Variants in BET1 observed in about 807,000 individuals in gnomAD.
BET1 encodes the protein BET1 homolog.
Under a neutral mutation model 13.9 loss-of-function variants are expected in BET1, and 9 were observed. The ratio of observed to expected loss-of-function variants is 0.65; its 90% CI spans 0.39 to 1.13. The LOEUF (loss-of-function observed/expected upper bound fraction) is 1.13. Among genes scored for constraint, BET1 ranks in the 50% most tolerant of loss-of-function variants. The pLI is 0.01. For synonymous variants in BET1, 39 were observed against 47.3 expected (o/e 0.82, Z 0.72); for missense variants, 127 against 133.6 (o/e 0.95, Z 0.24).
chr7:93,991,845 C>CA, downstream of BET1: 1 of 969,046 alleles, frequency 1.0e-6, no homozygotes, highest in Non-Finnish European at 1.2e-6. Flanking sequence ...TTATTGACTG[C>CA]ATAAACCCAA....
At chr7:93,987,118 TG>T (rs1795542796) in intron 4 of BET1, 1 of 152,120 alleles carries the variant, frequency 6.6e-6, no homozygotes. Flanking sequence ...TTTTTGTTTT[TG>T]TTTTTTGTTT....
chr7:93,977,101 T>C (rs965852097), intron 4 of BET1, among the ~76,000 whole-genome samples: 3 of 152,116 alleles, frequency 2.0e-5, no homozygotes, highest in African/African-American at 7.2e-5. Flanking sequence ...CTCTTGTATC[T>C]TCCTTGTTAG....
downstream of BET1, chr7:93,991,915 A>T (rs1156802335): frequency 2.0e-6 from 2 of 980,058 alleles, no homozygotes; most frequent in African/African-American, 3.5e-5. Flanking sequence ...TCTAACTTGA[A>T]ATTTAGGAGC....
chr7:93,992,760 T>G, downstream of BET1: 1 of 920,652 alleles, frequency 1.1e-6, no homozygotes, highest in Non-Finnish European at 1.3e-6. Flanking sequence ...CAACATATTA[T>G]CTACTTCTCA....
At chr7:93,981,136 G>C (rs1230780861) in intron 4 of BET1, among the ~76,000 whole-genome samples, 1 of 152,112 alleles carries the variant, frequency 6.6e-6, no homozygotes, top group African/African-American at 2.4e-5. Flanking sequence ...TGTGTTTGCT[G>C]TTGGGGGTGT....
At position 93,993,938 on chromosome 7, in the gene BET1, A is replaced by C; in HGVS notation, c.*292T>G. On this transcript the variant is annotated 3_prime_UTR_variant, in exon 4 of 4. Coordinates refer to ENST00000222547, the MANE Select transcript of BET1 (RefSeq NM_005868.6). The stretch of plus-strand genomic sequence containing the variant: ...GCATTTATGATTACAACAAAATATT[A>C]TAATGCTATTTAATCTGACAGTTGG... 1 of 1,535,238 alleles carries C rather than the reference A, an allele frequency of 6.5e-7. No individual in the cohort carries two copies. Among genetic ancestry groups the C allele is most frequent in the South Asian group, 1.2e-5 (1 of 83,816 alleles).
intron 6 of BET1, chr7:93,972,377 C>T (rs914739228): frequency 4.0e-5 from 6 of 151,866 alleles, no homozygotes; most frequent in Non-Finnish European, 7.4e-5. Context: ...TTATGTGCCA[C>T]GCATCTTGAC....
At chr7:93,999,059 T>C in intron 2 of BET1, 111 bp downstream of exon 2, 2 of 869,948 alleles carry the variant, frequency 2.3e-6, no homozygotes, top group Non-Finnish European at 3.1e-6. Context: ...AAAACCACAG[T>C]ATCTGAGTAA....
chr7:93,992,927 C>G (rs1379841023), downstream of BET1: 2 of 985,296 alleles, frequency 2.0e-6, no homozygotes, highest in African/African-American at 3.5e-5. Flanking sequence ...TAACCACACT[C>G]AGTTCCGGTG....
intron 6 of BET1, among the ~76,000 whole-genome samples, chr7:93,967,955 T>C (rs1294688396): frequency 6.6e-6 from 1 of 151,842 alleles, no homozygotes; most frequent in African/African-American, 2.4e-5. Context: ...AACCAGAATA[T>C]ATTAAATCAA....
chr7:93,969,010 GAGAT>G (rs1008778617), intron 6 of BET1, among the ~76,000 whole-genome samples: 10 of 151,810 alleles, frequency 6.6e-5, no homozygotes, highest in African/African-American at 2.4e-4. Flanking sequence ...TGTGAAAGAT[GAGAT>G]AGAAACAGCT....
chr7:93,970,626 C>T (rs1217967470), intron 6 of BET1, among the ~76,000 whole-genome samples: 1 of 151,528 alleles, frequency 6.6e-6, no homozygotes, highest in East Asian at 1.9e-4. Context: ...ACATTGACAT[C>T]CCAAAAATGG....
At chr7:93,985,883 G>A (rs1440245749) in intron 4 of BET1, among the ~76,000 whole-genome samples, 1 of 152,160 alleles carries the variant, frequency 6.6e-6, no homozygotes, top group Non-Finnish European at 1.5e-5. Flanking sequence ...AGGGATCAAG[G>A]CAGAAACACA....
chr7:93,990,166 T>A (rs1012189030), downstream of BET1, among the ~76,000 whole-genome samples: 6 of 152,088 alleles, frequency 3.9e-5, no homozygotes, highest in South Asian at 1.2e-3. Flanking sequence ...GCATTAAATC[T>A]GTGTATAATC....
intron 4 of BET1, among the ~76,000 whole-genome samples, chr7:93,985,610 G>C (rs1795512060): frequency 6.6e-6 from 1 of 152,110 alleles, no homozygotes; most frequent in South Asian, 2.1e-4. Context: ...ATATTGTAAT[G>C]TATTCAAACT....
chr7:93,976,675 A>T (rs932700099), intron 4 of BET1, among the ~76,000 whole-genome samples: 4 of 152,056 alleles, frequency 2.6e-5, no homozygotes, highest in African/African-American at 9.7e-5. Flanking sequence ...ACTTATTATT[A>T]TTTTTTAAAT....
At chr7:93,995,768 G>A (rs1206332264) in intron 3 of BET1, among the ~76,000 whole-genome samples, 1 of 152,168 alleles carries the variant, frequency 6.6e-6, no homozygotes, top group African/African-American at 2.4e-5. Flanking sequence ...ACAAATGGAA[G>A]GGGACTCTAA....
chr7:93,981,744 A>G (rs1795433966), intron 4 of BET1, among the ~76,000 whole-genome samples: 1 of 152,190 alleles, frequency 6.6e-6, no homozygotes, highest in Non-Finnish European at 1.5e-5. Context: ...ACTTCCAGGT[A>G]GCATTCCCGG....
At chr7:93,980,621 T>A (rs1007178042) in intron 4 of BET1, among the ~76,000 whole-genome samples, 2 of 152,114 alleles carry the variant, frequency 1.3e-5, no homozygotes, top group African/African-American at 4.8e-5. Context: ...TGCTTCAACA[T>A]AATAAAGGCC....
Sources: gnomAD v4.1 joint callset for allele counts (sites outside exome capture counted in the v4.1 genomes callset) on GRCh38, gnomAD v4.1.1 for gene constraint, MANE v1.5 for transcripts, NCBI Gene and HGNC (gene_info 2026-07-23, HGNC 2026-07-21) for gene names.